Variants in DLGAP2 observed in about 807,000 individuals in gnomAD.
DLGAP2 encodes disks large-associated protein 2.
A neutral mutation model predicts 100.3 loss-of-function variants in DLGAP2; 26 were observed. The ratio of observed to expected loss-of-function variants is 0.26; its 90% CI spans 0.19 to 0.36. The LOEUF is 0.36. Among genes scored for constraint, DLGAP2 ranks in the 10% least tolerant of loss-of-function variants. The pLI is 1.00. For missense variants in DLGAP2, 1,858 were observed against 1,453.2 expected (o/e 1.28, Z -4.53); for synonymous variants, 886 against 630.1 (o/e 1.41, Z -6.08).
At chr8:1,286,457 C>A (rs1430713608) in intron 3 of DLGAP2, among the ~76,000 whole-genome samples, 1 of 152,200 alleles carries the variant, frequency 6.6e-6, no homozygotes, top group Admixed American at 6.5e-5. Context: ...CTACCAGTTA[C>A]CATCTGTGGA....
chr8:1,175,781 G>A (rs1797239229), intron 2 of DLGAP2, among the ~76,000 whole-genome samples: 1 of 152,190 alleles, frequency 6.6e-6, no homozygotes, highest in Admixed American at 6.5e-5. Context: ...ACCTCATCGG[G>A]AAAGTAAATC....
chr8:1,508,120 C>T (rs780347878), intron 4 of DLGAP2, among the ~76,000 whole-genome samples: 18 of 151,974 alleles, frequency 1.2e-4, no homozygotes, highest in Admixed American at 5.2e-4. Context: ...ACATCAGATA[C>T]CTTTAAAGTT....
In DLGAP2 at chr8:1,426,865, C is replaced by G. The variant is rs568042844; in HGVS notation, c.107-74501C>G. Among the ~76,000 whole-genome samples, 46 of 151,716 alleles carry G rather than the reference C, an allele frequency of 3.0e-4. No homozygotes were observed. In the South Asian group the frequency reaches 9.0e-3, roughly 30 times the overall value. The stretch of plus-strand genomic sequence containing the variant: ...TACAAAAACTCAACCTTCTATTCTA[C>G]CTGAAAGATTACTCCAATGCATATG... On this transcript the variant is annotated intron_variant, in intron 3 of 14. Coordinates refer to ENST00000637795, the MANE Select transcript of DLGAP2 (RefSeq NM_001346810.2).
chr8:979,345 C>T (rs1052003365), intron 2 of DLGAP2, among the ~76,000 whole-genome samples: 5 of 152,158 alleles, frequency 3.3e-5, no homozygotes, highest in Non-Finnish European at 5.9e-5. Flanking sequence ...TGGATATCCA[C>T]CCCACAAGGG....
intron 2 of DLGAP2, among the ~76,000 whole-genome samples, chr8:1,001,669 G>T (rs1351808562): frequency 6.6e-6 from 1 of 152,000 alleles, no homozygotes; most frequent in Non-Finnish European, 1.5e-5. Flanking sequence ...TAATATTGAT[G>T]TTATAGAAGT....
At chr8:1,220,028 C>G (rs1006156970) in intron 2 of DLGAP2, among the ~76,000 whole-genome samples, 2 of 151,854 alleles carry the variant, frequency 1.3e-5, no homozygotes, top group Admixed American at 6.6e-5. Flanking sequence ...AGCTAGTGGT[C>G]TATCAGTATT....
At chr8:875,212 T>G (rs1797667696) in intron 1 of DLGAP2, among the ~76,000 whole-genome samples, 1 of 152,224 alleles carries the variant, frequency 6.6e-6, no homozygotes, top group Admixed American at 6.5e-5. Flanking sequence ...AACATGCTTC[T>G]TTTGATTATA....
intron 3 of DLGAP2, among the ~76,000 whole-genome samples, chr8:1,343,447 G>C (rs1030184821): frequency 2.0e-5 from 3 of 152,136 alleles, no homozygotes; most frequent in African/African-American, 7.2e-5. Flanking sequence ...CCAAGTGACT[G>C]AGCCTAGATG....
At chr8:893,407 G>A (rs564099508) in intron 1 of DLGAP2, among the ~76,000 whole-genome samples, 18 of 152,334 alleles carry the variant, frequency 1.2e-4, no homozygotes, top group African/African-American at 4.3e-4. Context: ...TAACTTACGT[G>A]TCGTATCTAA....
chr8:1,256,275 T>A (rs1171222081), intron 2 of DLGAP2, among the ~76,000 whole-genome samples: 1 of 129,090 alleles, frequency 7.7e-6, no homozygotes, highest in Middle Eastern at 5.7e-3. Context: ...CTGGGTGCTG[T>A]GTGTGTGTCC....
At chr8:1,386,825 T>C (rs186560520) in intron 3 of DLGAP2, among the ~76,000 whole-genome samples, 9 of 152,240 alleles carry the variant, frequency 5.9e-5, no homozygotes, top group Non-Finnish European at 1.0e-4. Flanking sequence ...GGTTTTACCA[T>C]ATTGATGGAA....
chr8:865,982 G>T (rs1271092373), intron 1 of DLGAP2, among the ~76,000 whole-genome samples: 1 of 152,168 alleles, frequency 6.6e-6, no homozygotes, highest in Admixed American at 6.5e-5. Context: ...TGCTTAGTTG[G>T]GTATGGTATT....
At chr8:1,296,563 T>C (rs1800180582) in intron 3 of DLGAP2, among the ~76,000 whole-genome samples, 1 of 152,148 alleles carries the variant, frequency 6.6e-6, no homozygotes, top group Non-Finnish European at 1.5e-5. Context: ...TTAAATTCTT[T>C]TTGGGATTCT....
At chr8:1,381,166 C>G (rs2129765040) in intron 3 of DLGAP2, 1 of 152,196 alleles carries the variant, frequency 6.6e-6, no homozygotes, top group Non-Finnish European at 1.5e-5. Flanking sequence ...GCTGGACAAG[C>G]AACCAGAACA....
chr8:1,065,106 G>A (rs1337535823), intron 2 of DLGAP2, among the ~76,000 whole-genome samples: 2 of 152,156 alleles, frequency 1.3e-5, no homozygotes, highest in African/African-American at 2.4e-5. Context: ...CACGCACCAG[G>A]GCGCCTGCCT....
intron 1 of DLGAP2, among the ~76,000 whole-genome samples, chr8:796,619 G>A (rs144720149): frequency 1.4e-4 from 21 of 152,260 alleles, no homozygotes; most frequent in Non-Finnish European, 2.1e-4. Flanking sequence ...CTAGCAGTGC[G>A]TCCCTCCTGT....
rs75157963 is a variant in DLGAP2, at chr8:1,274,972, G to T, written c.106+16089G>T. ...GAGTGAGTGTTCACTGCCTGCTGCTGTGTCCGCAGTCCCAGCTGTCTGATT... is the reference window on the plus strand; with the variant it reads ...GAGTGAGTGTTCACTGCCTGCTGCTTTGTCCGCAGTCCCAGCTGTCTGATT... On this transcript the variant is annotated intron_variant, in intron 3 of 14. Transcript: ENST00000637795. Among the ~76,000 whole-genome samples the T allele has an allele frequency of 4.9e-3, 744 of 152,232 alleles. 11 individuals are homozygous for T. The East Asian group carries it at 0.06, about 12-fold the overall frequency.
chr8:814,498 G>A (rs1358799112), intron 1 of DLGAP2, among the ~76,000 whole-genome samples: 1 of 152,144 alleles, frequency 6.6e-6, no homozygotes, highest in African/African-American at 2.4e-5. Context: ...CTGGATCCTG[G>A]ATTCAGACCC....
chr8:1,419,216 G>A (rs1053449503), intron 3 of DLGAP2, among the ~76,000 whole-genome samples: 1 of 150,974 alleles, frequency 6.6e-6, no homozygotes, highest in African/African-American at 2.5e-5. Flanking sequence ...GTGTGTGTGT[G>A]TGTGTGTGTG....
Sources: allele counts gnomAD v4.1 joint callset (sites outside exome capture counted in the v4.1 genomes callset), GRCh38; gene constraint gnomAD v4.1.1; transcripts MANE v1.5; gene names NCBI Gene and HGNC (gene_info 2026-07-23, HGNC 2026-07-21).